DPP9: variants seen among roughly 807,000 people sequenced by gnomAD.
The protein encoded by DPP9 is dipeptidyl peptidase IV-related protein-2.
In DPP9, 50 loss-of-function variants were observed where a neutral mutation model predicts 110.7. The observed-to-expected ratio is 0.45, with a 90% CI of 0.36 to 0.57. The LOEUF (loss-of-function observed/expected upper bound fraction) is 0.57, where lower values mean the gene tolerates loss of function less well. Among genes scored for constraint, DPP9 ranks in the 20% least tolerant of loss-of-function variants. The pLI, the probability that DPP9 is intolerant of heterozygous loss-of-function variation, is 0.00. For missense variants in DPP9, 1,022 were observed against 1,217.9 expected (o/e 0.84, Z 2.39); for synonymous variants, 561 against 514.4 (o/e 1.09, Z -1.23).
At position 4,675,571 on chromosome 19, in the gene DPP9, G is replaced by A. The variant is rs1038647855; in HGVS notation, c.*993C>T. 4 of 152,172 alleles carry A rather than the reference G, an allele frequency of 2.6e-5. No homozygotes were observed. The highest frequency in any genetic ancestry group is 5.9e-5 in the Non-Finnish European group (4 of 68,040). The allele number at this position is 152,172 out of a possible 1,614,324, so 9.4% of individuals were successfully genotyped here. ...GAGCGTGGAAGTTCGGTGCGTTTCA[G>A]TGCCTGCCTGAAAGCTTGGGGACAG... On this transcript the variant is annotated 3_prime_UTR_variant, in exon 22 of 22. Coordinates refer to ENST00000262960, the MANE Select transcript of DPP9 (RefSeq NM_139159.5).
chr19:4,695,195 A>T lies in DPP9; in HGVS notation c.1353+183T>A. 1 of 631,332 alleles carries T rather than the reference A, an allele frequency of 1.6e-6. No homozygotes were observed. Among genetic ancestry groups the T allele is most frequent in the Non-Finnish European group, 2.7e-6 (1 of 376,900 alleles). The allele number at this position is 631,332 out of a possible 1,614,324, so 39.1% of individuals were successfully genotyped here. A position where few individuals can be genotyped will look rare whatever the true frequency, so the allele number is the denominator to read the frequency against. On this transcript the variant is annotated intron_variant, in intron 12 of 21. Coordinates refer to ENST00000262960, the MANE Select transcript of DPP9 (RefSeq NM_139159.5). This position sits in a 1 kb window ranked among gnomAD's most constrained non-coding sequence, Gnocchi z 4.7. Reference sequence around the variant, plus strand: ...GAGGGGAGAGGCTCCAATGGCTGCCAGACTCACCAACCCCCCTAGACCCTC... The same window carrying T: ...GAGGGGAGAGGCTCCAATGGCTGCCTGACTCACCAACCCCCCTAGACCCTC...
chr19:4,678,920 T>C (rs1387144009), intron 21 of DPP9, among the ~76,000 whole-genome samples: 2 of 151,966 alleles, frequency 1.3e-5, no homozygotes, highest in Non-Finnish European at 2.9e-5. Context: ...GCCAGAGAAA[T>C]GTGGGTCAAA....
At chr19:4,705,787 T>C in intron 5 of DPP9, 71 bp downstream of exon 5, 2 of 1,457,778 alleles carry the variant, frequency 1.4e-6, no homozygotes, top group South Asian at 1.2e-5. Context: ...CGAAGGCATG[T>C]ATGGCCTGTG....
chr19:4,685,873 A>C lies in DPP9; in HGVS notation c.1886-102T>G. On this transcript the variant is annotated intron_variant, in intron 16 of 21. Transcript: ENST00000262960. This position sits in a 1 kb window ranked among gnomAD's most constrained non-coding sequence, Gnocchi z 5.8. Reference sequence around the variant, plus strand: ...CAAGCCTTGGAGGGTGGACCAAAGCACCCCCTCTTTTCCTGGGCTTCCCGA... The same window carrying C: ...CAAGCCTTGGAGGGTGGACCAAAGCCCCCCCTCTTTTCCTGGGCTTCCCGA... The C allele has an allele frequency of 1.5e-6, 2 of 1,369,642 alleles. No homozygotes were observed. Among genetic ancestry groups the C allele is most frequent in the Non-Finnish European group, 9.8e-7 (1 of 1,017,920 alleles). 84.8% of individuals were successfully genotyped at this position (1,369,642 alleles called of 1,614,324 possible). A position where few individuals can be genotyped will look rare whatever the true frequency, so the allele number is the denominator to read the frequency against.
chr19:4,723,506 A>G (rs980978045), intron 1 of DPP9, among the ~76,000 whole-genome samples, 168 bp downstream of exon 1: 2 of 152,042 alleles, frequency 1.3e-5, no homozygotes, highest in Admixed American at 1.3e-4. Context: ...TGGGGCGGAG[A>G]GGAAACGAGG....
chr19:4,684,699 T>G lies in DPP9; in HGVS notation c.2142A>C (p.Arg714=), dbSNP rs1568303567. ...TCAGGGCCCCTTCGAACCGAAGCCC[T>G]CGCTGACAGGAGCCCCTGCCGTCAA... ...VVIDGRGSCQ[R]GLRFEGALKN... is the part of the protein sequence containing the mutation. Residue 714 remains arginine, a synonymous_variant, in exon 18 of 22, where the codon CGA becomes CGC. Coordinates refer to ENST00000262960, the MANE Select transcript of DPP9 (RefSeq NM_139159.5). This position sits in a 1 kb window ranked among gnomAD's most constrained non-coding sequence, Gnocchi z 4.8. 6.2e-7 allele frequency: 1 copy of G among 1,612,430 alleles called. No homozygotes were observed. Among genetic ancestry groups the G allele is most frequent in the Non-Finnish European group, 8.5e-7 (1 of 1,179,392 alleles).
In DPP9 at chr19:4,679,829, AC is replaced by A. The variant is rs2089561811; in HGVS notation, c.2586+5del. 1 of 1,593,802 alleles carries A rather than the reference AC, an allele frequency of 6.3e-7. No individual in the cohort carries two copies. The highest frequency in any genetic ancestry group is 8.6e-7 in the Non-Finnish European group (1 of 1,169,264). On this transcript the variant is annotated splice_donor_5th_base_variant and intron_variant, in intron 21 of 21. Coordinates refer to ENST00000262960, the MANE Select transcript of DPP9 (RefSeq NM_139159.5). ...GGAGGGGCCGAAGCCCCCAACAGCC[AC>A]CCACCTGGAGCTGGTAAGGTTTCCC...
intron 4 of DPP9, among the ~76,000 whole-genome samples, chr19:4,709,352 G>A (rs2092728175): frequency 6.6e-6 from 1 of 152,154 alleles, no homozygotes; most frequent in African/African-American, 2.4e-5. Context: ...TAAAGAAAAA[G>A]ATTAGATTAA....
rs1364400890 is a variant in DPP9 at position 4,693,387 on chromosome 19, C to A, written c.1516+1274G>T. On this transcript the variant is annotated intron_variant, in intron 13 of 21. Transcript: ENST00000262960. This position sits in a 1 kb window ranked among gnomAD's most constrained non-coding sequence, Gnocchi z 5.0. ...CCAGGAGTCTCGGTTCCCTGAGCTC[C>A]AGGCACGGGAACTGGCCCATACAGC... Among the ~76,000 whole-genome samples, 1 of 152,144 alleles carries A rather than the reference C, an allele frequency of 6.6e-6. No homozygotes were observed. The highest frequency in any genetic ancestry group is 2.4e-5 in the African/African-American group (1 of 41,438).
At chr19:4,723,083 C>T (rs1225674288) in intron 1 of DPP9, among the ~76,000 whole-genome samples, 1 of 151,676 alleles carries the variant, frequency 6.6e-6, no homozygotes, top group Non-Finnish European at 1.5e-5. Context: ...ACCACTACAC[C>T]ACCAACGCCT....
chr19:4,676,736 A>G lies in DPP9; in HGVS notation c.2587-80T>C, dbSNP rs1472935946. ...CTAGGCTCCTCCCTTATTCTGGCTCAGGGCATCCGGGAAGGCGCAGGTGCT... is the reference window on the plus strand; with the variant it reads ...CTAGGCTCCTCCCTTATTCTGGCTCGGGGCATCCGGGAAGGCGCAGGTGCT... On this transcript the variant is annotated intron_variant, in intron 21 of 21. Transcript: ENST00000262960. The surrounding 1 kb of genome is among the most constrained non-coding windows in gnomAD (Gnocchi z 4.0). 13 of 1,254,448 alleles carry G rather than the reference A, an allele frequency of 1.0e-5. No homozygotes were observed. The East Asian group carries it at 2.5e-4, about 24-fold the overall frequency. 77.7% of individuals were successfully genotyped at this position (1,254,448 alleles called of 1,614,324 possible). A position where few individuals can be genotyped will look rare whatever the true frequency, so the allele number is the denominator to read the frequency against.
At chr19:4,709,654 T>C (rs1954811544) in intron 4 of DPP9, among the ~76,000 whole-genome samples, 1 of 152,130 alleles carries the variant, frequency 6.6e-6, no homozygotes, top group South Asian at 2.1e-4. Flanking sequence ...TGATGGTTGA[T>C]GGGGTTGCTT....
chr19:4,697,727 G>A, intron 10 of DPP9, 76 bp from the exon 11 acceptor site: 2 of 1,232,654 alleles, frequency 1.6e-6, no homozygotes, highest in Non-Finnish European at 2.3e-6. Context: ...CACTGCGCTG[G>A]GTCCCATCAT....
In DPP9 at chr19:4,723,842, T is replaced by G. The variant is rs2093428674; in HGVS notation, c.-257A>C. On this transcript the variant is annotated 5_prime_UTR_variant, in exon 1 of 22. Coordinates refer to ENST00000262960, the MANE Select transcript of DPP9 (RefSeq NM_139159.5). ...GCTCAGGCACCTTTGACCCGGAAGTTGAGCGACCCAGGCGGCGGCCTGGGA... is the reference window on the plus strand; with the variant it reads ...GCTCAGGCACCTTTGACCCGGAAGTGGAGCGACCCAGGCGGCGGCCTGGGA... 6.5e-6 allele frequency: 1 copy of G among 154,364 alleles called. No individual in the cohort carries two copies. Among genetic ancestry groups the G allele is most frequent in the South Asian group, 2.0e-4 (1 of 4,910 alleles). 9.6% of individuals were successfully genotyped at this position (154,364 alleles called of 1,614,324 possible).
chr19:4,706,448 T>TC (rs2092590093), intron 4 of DPP9, among the ~76,000 whole-genome samples: 1 of 152,060 alleles, frequency 6.6e-6, no homozygotes, highest in Non-Finnish European at 1.5e-5. Flanking sequence ...GGTTCGGCTC[T>TC]CCAAGGCCCT....
At chr19:4,717,720 A>C (rs1233255939) in intron 3 of DPP9, 1 of 152,158 alleles carries the variant, frequency 6.6e-6, no homozygotes, top group Non-Finnish European at 1.5e-5. Flanking sequence ...ATGTGGCTAG[A>C]CTCTTTAGCT....
chr19:4,712,764 C>T (rs529321152), intron 4 of DPP9, among the ~76,000 whole-genome samples: 2 of 152,316 alleles, frequency 1.3e-5, no homozygotes, highest in East Asian at 3.9e-4. Context: ...CTTTGTTTGC[C>T]AGACCACCAT....
chr19:4,704,181 C>T lies in DPP9; in HGVS notation c.550G>A (p.Ala184Thr). The change falls in exon 6 of 22, where the codon GCC (alanine) becomes ACC (threonine). Residue 184 changes from alanine (A) to threonine (T), a missense_variant. Around this residue, in one of 3 missense-constraint regions of DPP9, gnomAD observed 810 missense variants for 920.6 expected, o/e 0.88. Coordinates refer to ENST00000262960, the MANE Select transcript of DPP9 (RefSeq NM_139159.5). This position sits in a 1 kb window ranked among gnomAD's most constrained non-coding sequence, Gnocchi z 6.0. Reference sequence around the variant, plus strand: ...CGGCAGTGGAAGAGGCTGTTGCTGGCCTGGAAGAGGAAGAGGCCACTCTCG... The same window carrying T: ...CGGCAGTGGAAGAGGCTGTTGCTGGTCTGGAAGAGGAAGAGGCCACTCTCG... Reference protein sequence around the residue: ...HSESGLFLFQASNSLFHCRDG... With the variant: ...HSESGLFLFQTSNSLFHCRDG... 1.2e-6 allele frequency: 2 copies of T among 1,614,004 alleles called. No individual in the cohort carries two copies. Among genetic ancestry groups the T allele is most frequent in the South Asian group, 1.1e-5 (1 of 91,084 alleles).
chr19:4,683,240 G>A, intron 19 of DPP9: 1 of 1,431,044 alleles, frequency 7.0e-7, no homozygotes, highest in Non-Finnish European at 9.1e-7. Context: ...ACAGAGAGCT[G>A]CTGGCGGGGT....
Sources: gnomAD v4.1 joint callset for allele counts (sites outside exome capture counted in the v4.1 genomes callset) on GRCh38, gnomAD v4.1.1 for gene constraint, gnomAD v4.1.1 regional missense constraint, Gnocchi (gnomAD v3.1) non-coding constraint, MANE v1.5 for transcripts, NCBI Gene and HGNC (gene_info 2026-07-23, HGNC 2026-07-21) for gene names.